Variants in TTLL12 observed in about 807,000 individuals in gnomAD.
The protein encoded by TTLL12 is tubulin tyrosine ligase like 12, also known as tubulin--tyrosine ligase-like protein 12.
Under a neutral mutation model 79.6 loss-of-function variants are expected in TTLL12, and 77 were observed. That is an observed-to-expected ratio of 0.97 (90% CI 0.81 to 1.17). TTLL12 has a LOEUF of 1.17. Among genes scored for constraint, TTLL12 ranks in the 50% most tolerant of loss-of-function variants. The probability of loss-of-function intolerance (pLI) is 0.00; values close to 1 mark genes in which losing one functional copy is unlikely to be tolerated. For synonymous variants in TTLL12, 437 were observed against 376.1 expected (o/e 1.16, Z -1.87); for missense variants, 969 against 895.9 (o/e 1.08, Z -1.04).
intron 5 of TTLL12, among the ~76,000 whole-genome samples, chr22:43,178,731 G>A (rs1372682571): frequency 3.3e-5 from 5 of 152,224 alleles, no homozygotes; most frequent in African/African-American, 1.2e-4. Context: ...CGCCGTGGGG[G>A]CAAGCCTGCA....
In TTLL12 at chr22:43,174,608, T is replaced by C; in HGVS notation, c.925A>G (p.Thr309Ala). 2 of 1,607,472 alleles carry C rather than the reference T, an allele frequency of 1.2e-6. No homozygotes were observed. The highest frequency in any genetic ancestry group is 1.7e-6 in the Non-Finnish European group (2 of 1,176,624). Residue 309 changes from threonine to alanine, a missense_variant, in exon 7 of 14, where the codon ACG becomes GCG. Coordinates refer to ENST00000216129, the MANE Select transcript of TTLL12 (RefSeq NM_015140.4). ...CTGCTGGCCACCTGCTGCACGTCCG[T>C]GTAGACCCTGTGGGGAGAGCCCGAG... ...HPHGHIFKVY[T>A]DVQQVASSLT... is the part of the protein sequence containing the mutation.
At chr22:43,186,682 G>C (rs1052509323) in intron 1 of TTLL12, among the ~76,000 whole-genome samples, 4 of 152,160 alleles carry the variant, frequency 2.6e-5, no homozygotes, top group African/African-American at 4.8e-5. Flanking sequence ...GCCGGTCTCG[G>C]GCCCGGGCAG....
At chr22:43,176,135 G>T (rs975093326) in intron 6 of TTLL12, among the ~76,000 whole-genome samples, 185 bp downstream of exon 6, 2 of 151,978 alleles carry the variant, frequency 1.3e-5, no homozygotes, top group Non-Finnish European at 2.9e-5. Context: ...ACTTTCTGCG[G>T]CATTTTCTCT....
chr22:43,172,090 A>C lies in TTLL12; in HGVS notation c.1494-190T>G, dbSNP rs117663029. ...CCACAGCCCCACTGAGCTGGGGTGG[A>C]GGTGAGTGAGGTGCTAGCTGTGAAG... On this transcript the variant is annotated intron_variant, in intron 10 of 13. Transcript: ENST00000216129. Among the ~76,000 whole-genome samples the C allele has an allele frequency of 9.3e-3, 1,411 of 152,250 alleles. 9 individuals carry two copies. The highest frequency in any genetic ancestry group is 0.015 in the Non-Finnish European group (1,004 of 68,000).
rs1010310810 is a variant in TTLL12 at position 43,179,864 on chromosome 22, G to A, written c.683C>T (p.Pro228Leu). The change falls in exon 4 of 14, where the codon CCC (proline) becomes CTC (leucine). Residue 228 changes from proline (P) to leucine (L), a missense_variant. Physicochemically the swap from Pro to Leu is moderately conservative, Grantham distance 98. Coordinates refer to ENST00000216129, the MANE Select transcript of TTLL12 (RefSeq NM_015140.4). ...PQQVAYTLLW[P>L]LRDLDTGEEV... is the part of the protein sequence containing the mutation. ...ACCGCCAGTGTCCAGGTCCCTCAGG[G>A]GCCACAGCAGCGTGTAGGCCACCTG... The A allele has an allele frequency of 1.2e-6, 2 of 1,600,788 alleles. No individual in the cohort carries two copies. The highest frequency in any genetic ancestry group is 1.7e-6 in the Non-Finnish European group (2 of 1,173,744).
intron 9 of TTLL12, 77 bp downstream of exon 9, chr22:43,173,638 G>A: frequency 2.2e-6 from 3 of 1,392,302 alleles, no homozygotes; most frequent in Non-Finnish European, 3.0e-6. Context: ...GGACCATGAT[G>A]CTCGGTCCCC....
chr22:43,187,112 G>A lies in TTLL12; in HGVS notation c.-43C>T, dbSNP rs1230980280. 7.6e-6 allele frequency: 8 copies of A among 1,057,830 alleles called. No individual in the cohort carries two copies. Among genetic ancestry groups the A allele is most frequent in the African/African-American group, 1.8e-5 (1 of 55,012 alleles). The allele number at this position is 1,057,830 out of a possible 1,614,324, so 65.5% of individuals were successfully genotyped here. A position where few individuals can be genotyped will look rare whatever the true frequency, so the allele number is the denominator to read the frequency against. On this transcript the variant is annotated 5_prime_UTR_variant, in exon 1 of 14. Coordinates refer to ENST00000216129, the MANE Select transcript of TTLL12 (RefSeq NM_015140.4). ...CGACTCCAGCGCCGCCACCGCCGCC[G>A]CCGCCCGCCGTCCGTCGGCCCTGCC...
At chr22:43,180,624 C>A in intron 3 of TTLL12, 118 bp downstream of exon 3, 1 of 1,181,956 alleles carries the variant, frequency 8.5e-7, no homozygotes, top group Non-Finnish European at 1.2e-6. Flanking sequence ...TAGGAAGCCA[C>A]AGGAGAAAGT....
At chr22:43,186,426 T>C (rs1255801268) in intron 1 of TTLL12, among the ~76,000 whole-genome samples, 1 of 152,218 alleles carries the variant, frequency 6.6e-6, no homozygotes, top group Non-Finnish European at 1.5e-5. Flanking sequence ...ACCTGCAAGA[T>C]GAGGGGACCC....
chr22:43,171,213 T>C (rs531520046), intron 11 of TTLL12, among the ~76,000 whole-genome samples: 2 of 152,348 alleles, frequency 1.3e-5, no homozygotes, highest in Admixed American at 6.5e-5. Flanking sequence ...CCTGCTTCTG[T>C]GCAGGCTGTG....
chr22:43,186,061 C>T lies in TTLL12; in HGVS notation c.177+832G>A, dbSNP rs1186416147. On this transcript the variant is annotated intron_variant, in intron 1 of 13. Coordinates refer to ENST00000216129, the MANE Select transcript of TTLL12 (RefSeq NM_015140.4). ...TCTGGCCAGCAGCCAGGCTCAGGGA[C>T]TCCTAGTTCCCGGCCCGGGTCCCTG... 3 of 976,622 alleles carry T rather than the reference C, an allele frequency of 3.1e-6. No homozygotes were observed. The African/African-American group carries it at 5.3e-5, about 17-fold the overall frequency. 60.5% of individuals were successfully genotyped at this position (976,622 alleles called of 1,614,324 possible). A position where few individuals can be genotyped will look rare whatever the true frequency, so the allele number is the denominator to read the frequency against.
chr22:43,171,610 T>C (rs1931766353), intron 11 of TTLL12: 1 of 539,276 alleles, frequency 1.9e-6, no homozygotes, highest in South Asian at 2.2e-5. Flanking sequence ...TGGCCCTCTG[T>C]GCCGTGGGGA....
In TTLL12 at chr22:43,173,706, G is replaced by A. The variant is rs575494239; in HGVS notation, c.1341+9C>T. On this transcript the variant is annotated intron_variant, in intron 9 of 13. Coordinates refer to ENST00000216129, the MANE Select transcript of TTLL12 (RefSeq NM_015140.4). ...CTGAGCCCTGGGGCTCCTGGTCTGC[G>A]GGGCCCACCTTGGGGGTGCTCTCTC... 13 of 1,599,698 alleles carry A rather than the reference G, an allele frequency of 8.1e-6. No individual in the cohort carries two copies. The highest frequency in any genetic ancestry group is 2.2e-5 in the East Asian group (1 of 44,854).
intron 5 of TTLL12, among the ~76,000 whole-genome samples, chr22:43,178,734 A>G (rs534716351): frequency 3.3e-5 from 5 of 152,364 alleles, no homozygotes; most frequent in Non-Finnish European, 7.3e-5. Context: ...CGTGGGGGCA[A>G]GCCTGCAGCC....
At chr22:43,186,077 C>G (rs1219111213) in intron 1 of TTLL12, 1 of 943,658 alleles carries the variant, frequency 1.1e-6, no homozygotes, top group Non-Finnish European at 1.3e-6. Context: ...GTTCCCGGCC[C>G]GGGTCCCTGT....
intron 1 of TTLL12, among the ~76,000 whole-genome samples, chr22:43,185,247 TTATATATA>T (rs3985927): frequency 0.025 from 2,835 of 113,358 alleles, 35 homozygotes; most frequent in East Asian, 0.042. Context: ...AAGAAAAAAA[TTATATATA>T]TATATATATA....
intron 11 of TTLL12, among the ~76,000 whole-genome samples, chr22:43,171,281 G>A (rs1007138051): frequency 6.6e-6 from 1 of 152,216 alleles, no homozygotes; most frequent in Non-Finnish European, 1.5e-5. Context: ...CACCTTGGAA[G>A]GGCCTTTGTC....
chr22:43,180,969 G>A, intron 2 of TTLL12, 29 bp from the exon 3 acceptor site: 2 of 1,598,432 alleles, frequency 1.3e-6, no homozygotes, highest in Non-Finnish European at 1.7e-6. Context: ...ATGTGAGGCT[G>A]CCGGGTGGGC....
intron 6 of TTLL12, 116 bp downstream of exon 6, chr22:43,176,204 C>T: frequency 1.3e-6 from 1 of 762,612 alleles, no homozygotes; most frequent in Non-Finnish European, 2.3e-6. Context: ...CAGGATGCGG[C>T]TGACTTGCTG....
Sources: allele counts gnomAD v4.1 joint callset (sites outside exome capture counted in the v4.1 genomes callset), GRCh38; gene constraint gnomAD v4.1.1; transcripts MANE v1.5; gene names NCBI Gene and HGNC (gene_info 2026-07-23, HGNC 2026-07-21).